The following ERBB4 variants were observed in gnomAD, a reference collection of about 807,000 sequenced individuals.
ERBB4 encodes the protein receptor tyrosine-protein kinase erbB-4.
ERBB4 carries 42 observed loss-of-function variants against 158.0 expected under a neutral mutation model. The ratio of observed to expected loss-of-function variants is 0.27; its 90% CI spans 0.21 to 0.34. The LOEUF (loss-of-function observed/expected upper bound fraction) is 0.34. ERBB4 is among the 10% of genes least tolerant of loss of function. The probability of loss-of-function intolerance (pLI) is 1.00; values close to 1 mark genes in which losing one functional copy is unlikely to be tolerated. For missense variants in ERBB4, 1,333 were observed against 1,624.1 expected, an observed-to-expected ratio of 0.82 and a Z score of 3.08; for synonymous variants, 583 against 558.7, an observed-to-expected ratio of 1.04 and a Z score of -0.61.
At chr2:211,580,869 AT>A (rs2068073240) in intron 19 of ERBB4, among the ~76,000 whole-genome samples, 1 of 456 alleles carries the variant, frequency 2.2e-3, no homozygotes, top group South Asian at 0.062. Context: ...GCATATACAT[AT>A]ATATATATAT....
chr2:211,725,318 A>C (rs1472272552), intron 5 of ERBB4, 124 bp from the exon 6 acceptor site: 2 of 786,510 alleles, frequency 2.5e-6, no homozygotes, highest in Non-Finnish European at 4.6e-6. Context: ...TTAATGAATG[A>C]GGTTTACAAC....
intron 20 of ERBB4, among the ~76,000 whole-genome samples, chr2:211,497,704 G>T (rs940655132): frequency 1.6e-4 from 25 of 152,050 alleles, no homozygotes; most frequent in East Asian, 1.9e-4. Flanking sequence ...AAAGGATGAA[G>T]AATAGTATTT....
chr2:211,412,028 G>T (rs2063272921), intron 25 of ERBB4, among the ~76,000 whole-genome samples: 1 of 151,840 alleles, frequency 6.6e-6, no homozygotes, highest in Non-Finnish European at 1.5e-5. Flanking sequence ...AAGTGATGAG[G>T]GCCTGAAATA....
intron 2 of ERBB4, among the ~76,000 whole-genome samples, chr2:212,076,602 A>C (rs1375844543): frequency 6.6e-6 from 1 of 151,964 alleles, no homozygotes; most frequent in African/African-American, 2.4e-5. Flanking sequence ...AGTTTTAAAA[A>C]GGAAGTGCAA....
chr2:211,531,289 G>T (rs1449408586), intron 20 of ERBB4, among the ~76,000 whole-genome samples: 3 of 152,102 alleles, frequency 2.0e-5, no homozygotes, highest in Admixed American at 6.5e-5. Context: ...TGCAAGCACA[G>T]GTAACCAGAG....
At chr2:211,816,521 A>G (rs145703199) in intron 3 of ERBB4, among the ~76,000 whole-genome samples, 132 of 140,786 alleles carry the variant, frequency 9.4e-4, no homozygotes, top group Non-Finnish European at 1.6e-3. Flanking sequence ...AGCCTGGGTG[A>G]CAGAGCGAGA....
At chr2:212,155,148 G>A (rs923554402) in intron 1 of ERBB4, among the ~76,000 whole-genome samples, 2 of 152,106 alleles carry the variant, frequency 1.3e-5, no homozygotes, top group African/African-American at 4.8e-5. Context: ...TTTGTCAAAT[G>A]TTTTATTTAA....
chr2:212,356,739 G>T lies in ERBB4; in HGVS notation c.82+181710C>A, dbSNP rs1247769950. ...CCCATGTAAAAAAAAAACATTCCTT[G>T]ATAAATCGATCTTTCCAACTTTTAT... is the stretch of plus-strand genomic sequence containing the variant. On this transcript the variant is annotated intron_variant, in intron 1 of 27. Transcript: ENST00000342788. Among the ~76,000 whole-genome samples, 17 of 151,588 alleles carry T rather than the reference G, an allele frequency of 1.1e-4. No homozygotes were observed. In the East Asian group the frequency reaches 3.3e-3, roughly 29 times the overall value.
chr2:212,191,270 G>T (rs1469664909), intron 1 of ERBB4, among the ~76,000 whole-genome samples: 1 of 152,042 alleles, frequency 6.6e-6, no homozygotes, highest in African/African-American at 2.4e-5. Flanking sequence ...CCATTCCCCA[G>T]ATGATGCTGA....
intron 20 of ERBB4, among the ~76,000 whole-genome samples, chr2:211,522,718 A>G (rs7574233): frequency 0.035 from 5,333 of 152,232 alleles, 302 homozygotes; most frequent in African/African-American, 0.12. Flanking sequence ...TCACCATCAG[A>G]AAGATTCTGA....
chr2:212,413,702 C>G (rs1392347363), intron 1 of ERBB4, among the ~76,000 whole-genome samples: 2 of 152,072 alleles, frequency 1.3e-5, no homozygotes, highest in Non-Finnish European at 2.9e-5. Context: ...TGTATTCCTA[C>G]TTCTCTTATA....
intron 3 of ERBB4, among the ~76,000 whole-genome samples, chr2:211,867,487 G>T (rs1198389044): frequency 6.6e-6 from 1 of 152,150 alleles, no homozygotes; most frequent in African/African-American, 2.4e-5. Context: ...TAAAATGTAA[G>T]TTTACAAACT....
chr2:212,284,753 T>G (rs1357712655), intron 1 of ERBB4, among the ~76,000 whole-genome samples: 1 of 151,982 alleles, frequency 6.6e-6, no homozygotes, highest in Non-Finnish European at 1.5e-5. Flanking sequence ...TCTTCCTCTT[T>G]AGTTATTTTA....
intron 1 of ERBB4, among the ~76,000 whole-genome samples, chr2:212,274,030 TTTGCATG>T (rs1416750152): frequency 6.6e-6 from 1 of 151,834 alleles, no homozygotes; most frequent in Admixed American, 6.6e-5. Context: ...TAACATATAT[TTTGCATG>T]TTACATGTGT....
At chr2:212,065,187 CAA>C (rs1399838099) in intron 2 of ERBB4, among the ~76,000 whole-genome samples, 1 of 151,984 alleles carries the variant, frequency 6.6e-6, no homozygotes, top group Non-Finnish European at 1.5e-5. Context: ...TGAATATATT[CAA>C]AGAGACGTGT....
Position 211,473,121 on chromosome 2 carries a change from C to T in ERBB4, c.2488-42021G>A, listed in dbSNP as rs930210804. Among the ~76,000 whole-genome samples, 3 of 151,712 alleles carry T rather than the reference C, an allele frequency of 2.0e-5. No individual in the cohort carries two copies. In the South Asian group the frequency reaches 6.3e-4, roughly 32 times the overall value. On this transcript the variant is annotated intron_variant, in intron 20 of 27. Coordinates refer to ENST00000342788, the MANE Select transcript of ERBB4 (RefSeq NM_005235.3). ...AATGATCCTGCATTATCTAGGTGGG[C>T]TTTAAATACACAAGTATTCTCATTA...
At chr2:211,660,929 G>C (rs988010988) in intron 15 of ERBB4, among the ~76,000 whole-genome samples, 1 of 152,176 alleles carries the variant, frequency 6.6e-6, no homozygotes, top group African/African-American at 2.4e-5. Flanking sequence ...GTGAAAGGCA[G>C]AGAAGTCTGG....
At chr2:211,533,420 C>T (rs1035406056) in intron 20 of ERBB4, among the ~76,000 whole-genome samples, 1 of 151,846 alleles carries the variant, frequency 6.6e-6, no homozygotes, top group African/African-American at 2.4e-5. Context: ...TAATAGAGCT[C>T]GTATGTCTTT....
chr2:211,840,081 CT>C (rs199861959), intron 3 of ERBB4, among the ~76,000 whole-genome samples: 5,147 of 152,046 alleles, frequency 0.034, 131 homozygotes, highest in Middle Eastern at 0.065. Flanking sequence ...GGGTGTGTAC[CT>C]ACCCAAATCT....
Sources: allele counts gnomAD v4.1 joint callset (sites outside exome capture counted in the v4.1 genomes callset), GRCh38; gene constraint gnomAD v4.1.1; transcripts MANE v1.5; gene names NCBI Gene and HGNC (gene_info 2026-07-23, HGNC 2026-07-21).